DGLUCY: variants seen among roughly 807,000 people sequenced by gnomAD.
DGLUCY encodes the protein D-glutamate cyclase, mitochondrial.
DGLUCY carries 58 observed loss-of-function variants against 58.5 expected under a neutral mutation model. The ratio of observed to expected loss-of-function variants is 0.99; its 90% CI spans 0.80 to 1.23. The LOEUF (loss-of-function observed/expected upper bound fraction) is 1.23, where lower values mean the gene tolerates loss of function less well. Among genes scored for constraint, DGLUCY ranks in the 50% most tolerant of loss-of-function variants. DGLUCY has a pLI of 0.00. For missense variants in DGLUCY, 779 were observed against 784.7 expected (o/e 0.99, Z 0.09); for synonymous variants, 325 against 314.1 (o/e 1.03, Z -0.37).
intron 1 of DGLUCY, among the ~76,000 whole-genome samples, chr14:91,074,108 T>TAC (rs2043969370): frequency 5.8e-5 from 4 of 69,090 alleles, no homozygotes; most frequent in Non-Finnish European, 1.2e-4. Context: ...AAAAAAAATA[T>TAC]ATATATATAT....
At chr14:91,194,089 C>G (rs2050064509) in intron 9 of DGLUCY, among the ~76,000 whole-genome samples, 1 of 152,098 alleles carries the variant, frequency 6.6e-6, no homozygotes, top group South Asian at 2.1e-4. Flanking sequence ...ATCCTTGATC[C>G]AATTTTGAGG....
rs151005662 is a variant in DGLUCY, at chr14:91,071,208, G to A, written c.-82+10504G>A. On this transcript the variant is annotated intron_variant, in intron 1 of 4. Transcript: ENST00000521334. Reference sequence around the variant, plus strand: ...AAAAATTAGCAAGGTGTGGTGGCACGCGCCTGTATTCCCAGCTACTCAAGA... The same window carrying A: ...AAAAATTAGCAAGGTGTGGTGGCACACGCCTGTATTCCCAGCTACTCAAGA... 8.6e-3 allele frequency among the ~76,000 whole-genome samples: 1,301 copies of A among 151,562 alleles called. 14 individuals are homozygous for A. The highest frequency in any genetic ancestry group is 0.027 in the African/African-American group (1,113 of 41,320).
rs1055811589 is a variant in DGLUCY, at chr14:91,060,593, C to G, written c.-193C>G. 8.0e-5 allele frequency: 80 copies of G among 1,006,040 alleles called. No homozygotes were observed. In the Admixed American group the frequency reaches 8.3e-4, roughly 10 times the overall value. 62.3% of individuals were successfully genotyped at this position (1,006,040 alleles called of 1,614,324 possible). On this transcript the variant is annotated 5_prime_UTR_variant, in exon 1 of 5. Coordinates refer to the DGLUCY transcript ENST00000521334. ...GAGTCTCTTTCCCGCTCTGGCCGCA[C>G]GGCTCGCTCCTCGCCTCCTCCCCCT...
Position 91,188,944 on chromosome 14 carries a change from T to C in DGLUCY, c.969T>C (p.Asp323=). The stretch of plus-strand genomic sequence containing the variant: ...GGATTGGGCACCTGCTCTGTAAAGA[T>C]GAGCTGCTGAAGGCCTCTCTCTCGC... ...NRGIGHLLCK[D]ELLKASLSLS... Residue 323 remains aspartate, a synonymous_variant, in exon 9 of 14, where the codon GAT becomes GAC. Coordinates refer to ENST00000256324, the MANE Select transcript of DGLUCY (RefSeq NM_001102368.3). 1.2e-6 allele frequency: 2 copies of C among 1,614,236 alleles called. No individual in the cohort carries two copies. The highest frequency in any genetic ancestry group is 1.7e-6 in the Non-Finnish European group (2 of 1,180,042).
intron 13 of DGLUCY, chr14:91,215,776 C>T (rs1172675290): frequency 1.4e-6 from 2 of 1,394,798 alleles, no homozygotes; most frequent in African/African-American, 1.5e-5. Flanking sequence ...GACCATTTTC[C>T]TTCTAGTTTG....
At chr14:91,071,766 G>A (rs1234622688) in intron 1 of DGLUCY, among the ~76,000 whole-genome samples, 2 of 151,870 alleles carry the variant, frequency 1.3e-5, no homozygotes, top group Admixed American at 6.6e-5. Context: ...TACTCAGGAG[G>A]CTGAGGCAGA....
intron 13 of DGLUCY, among the ~76,000 whole-genome samples, chr14:91,216,970 C>G (rs1886626024): frequency 6.6e-6 from 1 of 152,242 alleles, no homozygotes; most frequent in African/African-American, 2.4e-5. Context: ...CTGGCCCTTC[C>G]TTCCTTGGGC....
At chr14:91,087,398 A>G (rs2044240119) in intron 1 of DGLUCY, among the ~76,000 whole-genome samples, 1 of 152,226 alleles carries the variant, frequency 6.6e-6, no homozygotes, top group Non-Finnish European at 1.5e-5. Flanking sequence ...ATAAATAGTA[A>G]CTTCTCTTAG....
intron 1 of DGLUCY, among the ~76,000 whole-genome samples, chr14:91,115,695 C>G (rs1181136964): frequency 6.6e-6 from 1 of 152,202 alleles, no homozygotes; most frequent in Non-Finnish European, 1.5e-5. Flanking sequence ...TAGGCGTGAG[C>G]CACCACACCT....
exon 1 of DGLUCY, chr14:91,060,613 C>G (rs1352081094): frequency 1.2e-6 from 1 of 853,924 alleles, no homozygotes; most frequent in Admixed American, 4.4e-5. Context: ...CTCGCCTCCT[C>G]CCCCTTCGGC....
chr14:91,082,996 G>C (rs1296478607), intron 1 of DGLUCY, among the ~76,000 whole-genome samples: 1 of 152,140 alleles, frequency 6.6e-6, no homozygotes, highest in Non-Finnish European at 1.5e-5. Flanking sequence ...GAGCTCAAGT[G>C]ATCCTCCTGC....
chr14:91,194,260 A>G (rs1018130362), intron 9 of DGLUCY, among the ~76,000 whole-genome samples: 10 of 152,148 alleles, frequency 6.6e-5, no homozygotes, highest in Non-Finnish European at 1.5e-5. Context: ...TAGCTTGCCC[A>G]AGGTCACATA....
chr14:91,216,853 G>A (rs1362658498), intron 13 of DGLUCY, among the ~76,000 whole-genome samples: 1 of 152,202 alleles, frequency 6.6e-6, no homozygotes, highest in African/African-American at 2.4e-5. Context: ...GGGCATCAAC[G>A]TGTGCCCGTC....
chr14:91,104,284 G>C (rs1009099214), upstream of DGLUCY, among the ~76,000 whole-genome samples: 1 of 151,546 alleles, frequency 6.6e-6, no homozygotes, highest in South Asian at 2.1e-4. Flanking sequence ...GGATAGTCTC[G>C]ATCTCCTGAC....
At chr14:91,188,591 C>T (rs1204363101) in intron 8 of DGLUCY, among the ~76,000 whole-genome samples, 1 of 152,078 alleles carries the variant, frequency 6.6e-6, no homozygotes, top group Non-Finnish European at 1.5e-5. Flanking sequence ...TTTGGGAGGC[C>T]AAGGTGGGAA....
chr14:91,068,809 G>C (rs1230899321), intron 1 of DGLUCY, among the ~76,000 whole-genome samples: 1 of 152,202 alleles, frequency 6.6e-6, no homozygotes, highest in East Asian at 1.9e-4. Flanking sequence ...GAAACTCTCA[G>C]AACCTCAAAC....
At chr14:91,217,904 T>C (rs1886830822) in intron 13 of DGLUCY, among the ~76,000 whole-genome samples, 2 of 152,192 alleles carry the variant, frequency 1.3e-5, no homozygotes, top group African/African-American at 4.8e-5. Context: ...GGCCTCTGTT[T>C]CTCTCCAGCA....
In DGLUCY at chr14:91,164,823, C is replaced by T. The variant is rs557376698; in HGVS notation, c.104-2402C>T. Among the ~76,000 whole-genome samples, 4 of 152,362 alleles carry T rather than the reference C, an allele frequency of 2.6e-5. No homozygotes were observed. In the South Asian group the frequency reaches 6.2e-4, roughly 24 times the overall value. Reference sequence around the variant, plus strand: ...CACAGCACTGGGTCTTGCCCAAGTCCTGCTGTAACCACTCCCTGGCAACTG... The same window carrying T: ...CACAGCACTGGGTCTTGCCCAAGTCTTGCTGTAACCACTCCCTGGCAACTG... On this transcript the variant is annotated intron_variant, in intron 3 of 13. Coordinates refer to ENST00000256324, the MANE Select transcript of DGLUCY (RefSeq NM_001102368.3).
At chr14:91,196,874 T>C (rs1479965100) in intron 10 of DGLUCY, among the ~76,000 whole-genome samples, 1 of 152,040 alleles carries the variant, frequency 6.6e-6, no homozygotes, top group Admixed American at 6.6e-5. Flanking sequence ...TACAGCATCA[T>C]TGTATATCTT....
Sources: allele counts gnomAD v4.1 joint callset (sites outside exome capture counted in the v4.1 genomes callset), GRCh38; gene constraint gnomAD v4.1.1; transcripts MANE v1.5; gene names NCBI Gene and HGNC (gene_info 2026-07-23, HGNC 2026-07-21).